PRAMEF15: variants seen among roughly 807,000 people sequenced by gnomAD.
The protein encoded by PRAMEF15 is PRAME family member 9/15.
PRAMEF15 carries 21 observed loss-of-function variants against 35.3 expected under a neutral mutation model. The ratio of observed to expected loss-of-function variants is 0.59; its 90% CI spans 0.42 to 0.86. PRAMEF15 has a LOEUF of 0.86. Ranked by LOEUF, PRAMEF15 falls within the 40% of genes least tolerant of loss-of-function variation. The probability of loss-of-function intolerance (pLI) is 0.00; values close to 1 mark genes in which losing one functional copy is unlikely to be tolerated. For synonymous variants in PRAMEF15, 122 were observed against 223.3 expected (o/e 0.55, Z 4.05); for missense variants, 360 against 574.1 (o/e 0.63, Z 3.81).
rs1640060107 is a variant in PRAMEF15 at position 13,319,885 on chromosome 1, G to C, written c.807G>C (p.Leu269=). Reference sequence around the variant, plus strand: ...AGTTCACCACTCAGTTCCTCAAGCTGCGCTGCCTCCAAAAGCTTTATATGA... The same window carrying C: ...AGTTCACCACTCAGTTCCTCAAGCTCCGCTGCCTCCAAAAGCTTTATATGA... The part of the protein sequence containing the change: ...VTQFTTQFLK[L]RCLQKLYMNS... Residue 269 remains leucine, a synonymous_variant, in exon 3 of 4, where the codon CTG becomes CTC. Coordinates refer to ENST00000376152, the MANE Select transcript of PRAMEF15 (RefSeq NM_001098376.3). 4 of 1,607,080 alleles carry C rather than the reference G, an allele frequency of 2.5e-6. No homozygotes were observed. Among genetic ancestry groups the C allele is most frequent in the Admixed American group, 3.3e-5 (2 of 59,962 alleles).
chr1:13,315,603 G>A lies in PRAMEF15; in HGVS notation c.-72G>A, dbSNP rs1164904727. 29 of 151,186 alleles carry A rather than the reference G, an allele frequency of 1.9e-4. No individual in the cohort carries two copies. Among genetic ancestry groups the A allele is most frequent in the African/African-American group, 6.8e-4 (28 of 40,970 alleles). 9.4% of individuals were successfully genotyped at this position (151,186 alleles called of 1,614,324 possible). A position where few individuals can be genotyped will look rare whatever the true frequency, so the allele number is the denominator to read the frequency against. On this transcript the variant is annotated 5_prime_UTR_variant, in exon 1 of 4. Transcript: ENST00000376152. Reference sequence around the variant, plus strand: ...GAGACCCAAAGTCTTCAAGCCTGGAGTTCCTGCTTGGTTCTTCCTGAGGTC... The same window carrying A: ...GAGACCCAAAGTCTTCAAGCCTGGAATTCCTGCTTGGTTCTTCCTGAGGTC...
rs1323905347 is a variant in PRAMEF15 at position 13,322,078 on chromosome 1, C to A, written c.1251C>A (p.Ala417=). 3.0e-5 allele frequency: 49 copies of A among 1,609,026 alleles called. 2 individuals carry two copies. The South Asian group carries it at 5.2e-4, about 17-fold the overall frequency. ...LKNLCVELYP[A]PRESYGADGT... Reference sequence around the variant, plus strand: ...ACTTATGTGTGGAGCTGTATCCTGCCCCCCGAGAGAGTTATGGTGCTGATG... The same window carrying A: ...ACTTATGTGTGGAGCTGTATCCTGCACCCCGAGAGAGTTATGGTGCTGATG... Residue 417 remains alanine (A), a synonymous_variant, in exon 4 of 4, where the codon GCC becomes GCA. Transcript: ENST00000376152.
At chr1:13,320,960 G>A (rs1640075928) in intron 3 of PRAMEF15, among the ~76,000 whole-genome samples, 1 of 152,064 alleles carries the variant, frequency 6.6e-6, no homozygotes, top group African/African-American at 2.4e-5. Context: ...CAGGCACAAA[G>A]AATGGTGAAA....
At chr1:13,321,200 A>G (rs1257832002) in intron 3 of PRAMEF15, among the ~76,000 whole-genome samples, 5 of 149,308 alleles carry the variant, frequency 3.3e-5, no homozygotes, top group Admixed American at 2.7e-4. Context: ...CTCAGCCTCA[A>G]ATGGAATTAT....
intron 2 of PRAMEF15, among the ~76,000 whole-genome samples, chr1:13,318,935 C>A: frequency 6.6e-6 from 1 of 151,802 alleles, no homozygotes; most frequent in African/African-American, 2.4e-5. Context: ...AGAACTGGGC[C>A]GGGCACGGTG....
Position 13,321,794 on chromosome 1 carries a change from A to T in PRAMEF15, c.967A>T (p.Ser323Cys). The change falls in exon 4 of 4, where the codon AGT (serine) becomes TGT (cysteine). Residue 323 changes from serine to cysteine, a missense_variant. By Grantham distance (112) the Ser-to-Cys change is moderately radical. Around this residue, in one of 8 missense-constraint regions of PRAMEF15, gnomAD observed 72 missense variants for 79.9 expected, o/e 0.90. Transcript: ENST00000376152. Reference sequence around the variant, plus strand: ...GCATCTATCCCAGTGCCCGAGTATCAGTCAACTAAAGACCCTGGACCTGAG... The same window carrying T: ...GCATCTATCCCAGTGCCCGAGTATCTGTCAACTAAAGACCCTGGACCTGAG... ...LKHLSQCPSI[S>C]QLKTLDLSGI... 1 of 1,608,730 alleles carries T rather than the reference A, an allele frequency of 6.2e-7. No homozygotes were observed. The highest frequency in any genetic ancestry group is 2.3e-5 in the East Asian group (1 of 43,824).
intron 2 of PRAMEF15, 148 bp from the exon 3 acceptor site, chr1:13,319,224 G>C (rs1426518523): frequency 1.5e-6 from 2 of 1,359,096 alleles, no homozygotes. Context: ...CAATGTGGAA[G>C]TGGGCAGGAT....
chr1:13,321,102 G>T (rs1640078192), intron 3 of PRAMEF15, among the ~76,000 whole-genome samples: 1 of 151,944 alleles, frequency 6.6e-6, no homozygotes, highest in South Asian at 2.1e-4. Flanking sequence ...TGCGGCCCAG[G>T]GATGTGGTTT....
At position 13,322,482 on chromosome 1, in the gene PRAMEF15, C is replaced by T. The variant is rs1226239634; in HGVS notation, c.*218C>T. 8.4e-5 allele frequency: 66 copies of T among 782,860 alleles called. 2 individuals are homozygous for T. The highest frequency in any genetic ancestry group is 4.0e-4 in the South Asian group (21 of 52,666). The allele number at this position is 782,860 out of a possible 1,614,324, so 48.5% of individuals were successfully genotyped here. Reference sequence around the variant, plus strand: ...TTTGGGGACCTGTGTCCTGTAGATTCGAAAATGGGAATCTGAATGTCTAGA... The same window carrying T: ...TTTGGGGACCTGTGTCCTGTAGATTTGAAAATGGGAATCTGAATGTCTAGA... On this transcript the variant is annotated 3_prime_UTR_variant, in exon 4 of 4. Transcript: ENST00000376152.
intron 3 of PRAMEF15, among the ~76,000 whole-genome samples, chr1:13,320,370 G>C (rs1343434680): frequency 0.041 from 6,160 of 150,404 alleles, no homozygotes; most frequent in East Asian, 0.18. Context: ...ACCAGTCTGG[G>C]TAACATACCA....
chr1:13,316,671 A>T (rs1421707714), intron 1 of PRAMEF15, among the ~76,000 whole-genome samples: 3 of 151,864 alleles, frequency 2.0e-5, no homozygotes, highest in Admixed American at 1.3e-4. Context: ...ACCAAAAAAA[A>T]TTATATGACC....
intron 3 of PRAMEF15, 111 bp downstream of exon 3, chr1:13,320,064 C>T: frequency 1.3e-6 from 2 of 1,590,230 alleles, no homozygotes; most frequent in Non-Finnish European, 1.7e-6. Flanking sequence ...GTGAAGAGGA[C>T]ACTAGAATGT....
intron 1 of PRAMEF15, among the ~76,000 whole-genome samples, chr1:13,316,339 C>T (rs1450305133): frequency 2.6e-5 from 4 of 151,686 alleles, no homozygotes; most frequent in Non-Finnish European, 5.9e-5. Flanking sequence ...GTGGGAGAAT[C>T]ACTTGAGCAC....
intron 1 of PRAMEF15, among the ~76,000 whole-genome samples, chr1:13,316,739 C>G (rs1640010240): frequency 6.6e-6 from 1 of 151,876 alleles, no homozygotes; most frequent in South Asian, 2.1e-4. Context: ...ACTGTCATCT[C>G]TGTCTTTGAA....
At chr1:13,316,063 G>T (rs1244398169) in intron 1 of PRAMEF15, among the ~76,000 whole-genome samples, 1 of 150,994 alleles carries the variant, frequency 6.6e-6, no homozygotes, top group African/African-American at 2.4e-5. Context: ...GCAGTGGCAC[G>T]ATCTCAACTC....
intron 1 of PRAMEF15, 111 bp downstream of exon 1, chr1:13,315,769 T>C (rs1288480590): frequency 3.3e-5 from 5 of 151,196 alleles, no homozygotes; most frequent in Admixed American, 6.6e-5. Context: ...TCCTTTTTTT[T>C]TTTTTTTATA....
Position 13,319,383 on chromosome 1 carries a change from T to G in PRAMEF15, c.305T>G (p.Leu102Arg). 1 of 1,611,136 alleles carries G rather than the reference T, an allele frequency of 6.2e-7. No homozygotes were observed. Among genetic ancestry groups the G allele is most frequent in the South Asian group, 1.1e-5 (1 of 90,964 alleles). The change falls in exon 3 of 4, where the codon CTC becomes CGC. Residue 102 changes from leucine (L) to arginine (R), a missense_variant. Coordinates refer to ENST00000376152, the MANE Select transcript of PRAMEF15 (RefSeq NM_001098376.3). ...CTATTTTGCCACAGGAGGTGGAAAC[T>G]CCAAGTGCTGGATTTACAGGATGTC... ...TQGVRPRRWK[L>R]QVLDLQDVCE... is the part of the protein sequence containing the mutation.
chr1:13,320,017 G>A (rs1640061921), intron 3 of PRAMEF15, 64 bp downstream of exon 3: 2 of 1,607,430 alleles, frequency 1.2e-6, no homozygotes, highest in Non-Finnish European at 1.7e-6. Context: ...CAACACTAGT[G>A]GGCATCTACT....
Position 13,319,004 on chromosome 1 carries a change from G to A in PRAMEF15, c.293+304G>A, listed in dbSNP as rs1640043670. On this transcript the variant is annotated intron_variant, in intron 2 of 3. Coordinates refer to ENST00000376152, the MANE Select transcript of PRAMEF15 (RefSeq NM_001098376.3). ...GAGGTCAAGAGTTGGAGGCCAGCCTGTCCAACATGGTAAACCCCAACTCTA... is the reference window on the plus strand; with the variant it reads ...GAGGTCAAGAGTTGGAGGCCAGCCTATCCAACATGGTAAACCCCAACTCTA... 2.0e-5 allele frequency among the ~76,000 whole-genome samples: 3 copies of A among 152,040 alleles called. No individual in the cohort carries two copies. In the South Asian group the frequency reaches 6.3e-4, roughly 32 times the overall value.
Sources: allele counts gnomAD v4.1 joint callset (sites outside exome capture counted in the v4.1 genomes callset), GRCh38; gene constraint gnomAD v4.1.1; regional missense constraint gnomAD v4.1.1; transcripts MANE v1.5; gene names NCBI Gene and HGNC (gene_info 2026-07-23, HGNC 2026-07-21).